The following CCDC83 variants were observed in gnomAD, a reference collection of about 807,000 sequenced individuals.
CCDC83 encodes coiled-coil domain-containing protein 83.
A neutral mutation model predicts 50.1 loss-of-function variants in CCDC83; 54 were observed. The observed-to-expected ratio is 1.08, with a 90% confidence interval of 0.87 to 1.35. The LOEUF (loss-of-function observed/expected upper bound fraction) is 1.35. Ranked by LOEUF, CCDC83 falls within the 40% of genes most tolerant of loss-of-function variation. The pLI is 0.00. For synonymous variants in CCDC83, 161 were observed against 153.3 expected (o/e 1.05, Z -0.37); for missense variants, 518 against 473.9 (o/e 1.09, Z -0.86).
At chr11:85,878,753 A>G (rs985844037) in intron 3 of CCDC83, among the ~76,000 whole-genome samples, 3 of 150,922 alleles carry the variant, frequency 2.0e-5, no homozygotes, top group African/African-American at 7.3e-5. Context: ...AGAAACTTGA[A>G]CTACTTTCCA....
chr11:85,889,864 C>T (rs949615087), intron 5 of CCDC83, among the ~76,000 whole-genome samples: 14 of 152,244 alleles, frequency 9.2e-5, no homozygotes, highest in African/African-American at 2.4e-4. Context: ...TCTCAGTTTA[C>T]GCTGAGGTGG....
intron 5 of CCDC83, among the ~76,000 whole-genome samples, chr11:85,892,756 T>C (rs1482013738): frequency 1.3e-5 from 2 of 152,200 alleles, no homozygotes; most frequent in Middle Eastern, 3.2e-3. Context: ...ATTAAGCTGA[T>C]GGGCTAGGGT....
chr11:85,912,604 C>A (rs1284070538), intron 8 of CCDC83: 3 of 1,145,704 alleles, frequency 2.6e-6, no homozygotes, highest in Non-Finnish European at 2.7e-6. Context: ...CACTGTTGCC[C>A]AGTAGGCAAT....
At chr11:85,917,813 C>A (rs2093489532) in intron 10 of CCDC83, 1 of 152,202 alleles carries the variant, frequency 6.6e-6, no homozygotes, top group African/African-American at 2.4e-5. Flanking sequence ...ATCTTGGAAT[C>A]ATGACTCCTG....
intron 8 of CCDC83, among the ~76,000 whole-genome samples, chr11:85,914,786 G>A (rs924609360): frequency 6.6e-6 from 1 of 152,236 alleles, no homozygotes; most frequent in Non-Finnish European, 1.5e-5. Flanking sequence ...AAAACTGCCC[G>A]AGACTGGGTA....
chr11:85,881,580 G>A (rs1047726142), intron 3 of CCDC83, among the ~76,000 whole-genome samples: 2 of 151,984 alleles, frequency 1.3e-5, no homozygotes, highest in Admixed American at 6.6e-5. Context: ...CACCATGCCT[G>A]ACTAAATTTT....
At chr11:85,904,754 C>G (rs2093417453) in intron 7 of CCDC83, among the ~76,000 whole-genome samples, 1 of 152,170 alleles carries the variant, frequency 6.6e-6, no homozygotes, top group Non-Finnish European at 1.5e-5. Context: ...TCCTCCATTT[C>G]CTTTTTACCA....
At chr11:85,887,417 C>T (rs1174023043) in intron 5 of CCDC83, among the ~76,000 whole-genome samples, 2 of 152,102 alleles carry the variant, frequency 1.3e-5, no homozygotes, top group Non-Finnish European at 2.9e-5. Context: ...TTCCCATGTC[C>T]CCCTATCAGG....
At chr11:85,906,925 TAAC>T (rs1452013781) in intron 7 of CCDC83, among the ~76,000 whole-genome samples, 2 of 146,160 alleles carry the variant, frequency 1.4e-5, no homozygotes, top group East Asian at 3.9e-4. Context: ...ATTAAATAAA[TAAC>T]AAATCATTTT....
At chr11:85,912,887 G>C in intron 8 of CCDC83, 1 of 638,500 alleles carries the variant, frequency 1.6e-6, no homozygotes, top group East Asian at 2.6e-5. Flanking sequence ...ATTTGATTTT[G>C]TTCTGACATG....
intron 6 of CCDC83, among the ~76,000 whole-genome samples, chr11:85,896,400 C>CAAAAAAAAAAAAAAAAA (rs58450617): frequency 2.0e-5 from 1 of 50,504 alleles, no homozygotes; most frequent in Non-Finnish European, 3.7e-5. Flanking sequence ...GACCTTGTCT[C>CAAAAAAAAAAAAAAAAA]AAAAAAAAAA....
intron 9 of CCDC83, 57 bp from the exon 10 acceptor site, chr11:85,915,971 T>C: frequency 1.7e-6 from 2 of 1,204,566 alleles, no homozygotes; most frequent in South Asian, 2.7e-5. Context: ...TGTATTGCAT[T>C]TTTATTTGTA....
intron 5 of CCDC83, among the ~76,000 whole-genome samples, chr11:85,886,983 C>A (rs1232567232): frequency 1.3e-5 from 2 of 152,094 alleles, no homozygotes; most frequent in Non-Finnish European, 2.9e-5. Context: ...GAAGCAATTC[C>A]ACCAAGATAG....
At chr11:85,901,815 G>T (rs540958064) in intron 7 of CCDC83, among the ~76,000 whole-genome samples, 55 of 151,834 alleles carry the variant, frequency 3.6e-4, no homozygotes, top group Admixed American at 1.2e-3. Flanking sequence ...GATTGCTAGA[G>T]CCCAGGCATT....
At chr11:85,864,852 G>A (rs2093197726) in intron 1 of CCDC83, among the ~76,000 whole-genome samples, 1 of 152,154 alleles carries the variant, frequency 6.6e-6, no homozygotes, top group Non-Finnish European at 1.5e-5. Flanking sequence ...ATAAGAGAGG[G>A]AGTCTCTTAG....
chr11:85,882,259 C>A (rs974295209), intron 3 of CCDC83, among the ~76,000 whole-genome samples: 3 of 152,006 alleles, frequency 2.0e-5, no homozygotes, highest in Non-Finnish European at 2.9e-5. Flanking sequence ...TTTATTGAAA[C>A]CTGGACATTT....
At position 85,895,286 on chromosome 11, in the gene CCDC83, T is replaced by A; in HGVS notation, c.512-7T>A. 1.2e-6 allele frequency: 1 copy of A among 852,096 alleles called. No individual in the cohort carries two copies. Among genetic ancestry groups the A allele is most frequent in the Non-Finnish European group, 1.7e-6 (1 of 588,154 alleles). The allele number at this position is 852,096 out of a possible 1,614,324, so 52.8% of individuals were successfully genotyped here. A position where few individuals can be genotyped will look rare whatever the true frequency, so the allele number is the denominator to read the frequency against. On this transcript the variant is annotated splice_region_variant and splice_polypyrimidine_tract_variant and intron_variant, in intron 5 of 10. Coordinates refer to ENST00000342404, the MANE Select transcript of CCDC83 (RefSeq NM_001286159.2). The stretch of plus-strand genomic sequence containing the variant: ...TTTCTTTTTTTTTTTTTTTTTTTTT[T>A]TTAAAGAACACTATAAAATCACTCT...
chr11:85,890,387 C>T (rs1296905873), intron 5 of CCDC83, among the ~76,000 whole-genome samples: 2 of 152,024 alleles, frequency 1.3e-5, no homozygotes, highest in African/African-American at 4.8e-5. Flanking sequence ...AGACAGCTGA[C>T]TAGGGTGTTG....
chr11:85,861,329 C>T (rs1405334269), intron 1 of CCDC83, among the ~76,000 whole-genome samples: 3 of 152,150 alleles, frequency 2.0e-5, no homozygotes, highest in Non-Finnish European at 4.4e-5. Flanking sequence ...TTTTATTAGC[C>T]TTACAGTTTA....
Sources: allele counts gnomAD v4.1 joint callset (sites outside exome capture counted in the v4.1 genomes callset), GRCh38; gene constraint gnomAD v4.1.1; transcripts MANE v1.5; gene names NCBI Gene and HGNC (gene_info 2026-07-23, HGNC 2026-07-21).